The following PPP4R2 variants were observed in gnomAD, a reference collection of about 807,000 sequenced individuals.
PPP4R2 encodes protein phosphatase 4 regulatory subunit 2.
PPP4R2 carries 13 observed loss-of-function variants against 47.2 expected under a neutral mutation model. That is an observed-to-expected ratio of 0.28 (90% CI 0.18 to 0.44). The LOEUF is 0.44. Ranked by LOEUF, PPP4R2 falls within the 20% of genes least tolerant of loss-of-function variation. The probability of loss-of-function intolerance (pLI) is 1.00; values close to 1 mark genes in which losing one functional copy is unlikely to be tolerated. For missense variants in PPP4R2, 421 were observed against 491.2 expected (o/e 0.86, Z 1.35); for synonymous variants, 151 against 163.3 (o/e 0.92, Z 0.57).
chr3:73,033,184 C>T (rs1702202216), intron 2 of PPP4R2, among the ~76,000 whole-genome samples: 3 of 152,240 alleles, frequency 2.0e-5, no homozygotes, highest in Admixed American at 6.5e-5. Context: ...CTTTTAGTGT[C>T]TGAAAATGTG....
intron 3 of PPP4R2, among the ~76,000 whole-genome samples, chr3:73,052,819 A>T (rs1480260240): frequency 1.3e-5 from 2 of 152,220 alleles, no homozygotes; most frequent in Non-Finnish European, 2.9e-5. Flanking sequence ...ATTTATGAGG[A>T]GGTCTGGAAA....
At chr3:73,057,187 A>G (rs1236076743) in intron 3 of PPP4R2, among the ~76,000 whole-genome samples, 1 of 151,900 alleles carries the variant, frequency 6.6e-6, no homozygotes, top group Non-Finnish European at 1.5e-5. Flanking sequence ...CAATTGAGAA[A>G]CTAATACTGT....
chr3:73,037,849 A>T (rs1057256975), intron 2 of PPP4R2, among the ~76,000 whole-genome samples: 3 of 151,940 alleles, frequency 2.0e-5, no homozygotes, highest in Non-Finnish European at 4.4e-5. Flanking sequence ...ATGATGTTTT[A>T]TTTTCTATTT....
rs769062955 is a variant in PPP4R2 at position 73,065,027 on chromosome 3, A to G, written c.814A>G (p.Met272Val). Residue 272 changes from methionine (M) to valine (V), a missense_variant, in exon 8 of 9, where the codon ATG becomes GTG. Met to Val is a conservative substitution (Grantham distance 21). Coordinates refer to ENST00000356692, the MANE Select transcript of PPP4R2 (RefSeq NM_174907.4). ...GACTTCCAGCGAAATTTCTTCAGTT[A>G]TGGTAGGAGAAACAGAAGCATCATC... ...QTTSSEISSV[M>V]VGETEASSSS... 1.2e-5 allele frequency: 19 copies of G among 1,613,844 alleles called. No homozygotes were observed. Among genetic ancestry groups the G allele is most frequent in the African/African-American group, 2.7e-5 (2 of 74,904 alleles).
At chr3:73,015,886 CT>C (rs1430272957) in intron 2 of PPP4R2, 1 of 355,922 alleles carries the variant, frequency 2.8e-6, no homozygotes, top group Admixed American at 3.0e-5. Flanking sequence ...GATCTACCTG[CT>C]TTGGCCTCCC....
intron 2 of PPP4R2, among the ~76,000 whole-genome samples, chr3:73,004,564 G>A (rs967733526): frequency 6.6e-6 from 1 of 151,780 alleles, no homozygotes; most frequent in Non-Finnish European, 1.5e-5. Flanking sequence ...CATCCTTCCC[G>A]GTAGCTGGGA....
At chr3:73,009,750 C>T (rs76220905) in intron 2 of PPP4R2, among the ~76,000 whole-genome samples, 7,259 of 152,228 alleles carry the variant, frequency 0.048, 577 homozygotes, top group African/African-American at 0.17. Flanking sequence ...AAAACTGAAT[C>T]GCTGACTAAA....
intron 2 of PPP4R2, among the ~76,000 whole-genome samples, chr3:73,010,342 C>T (rs1014261365): frequency 2.2e-4 from 33 of 152,006 alleles, no homozygotes; most frequent in African/African-American, 8.0e-4. Context: ...CCTGCCTCAG[C>T]CCCCGCCCGC....
At chr3:72,998,939 A>G (rs1178194533) in intron 2 of PPP4R2, among the ~76,000 whole-genome samples, 1 of 152,164 alleles carries the variant, frequency 6.6e-6, no homozygotes, top group Non-Finnish European at 1.5e-5. Context: ...CTATGGTTTC[A>G]ATGTTAATAA....
At chr3:73,015,915 G>C (rs562789943) in intron 2 of PPP4R2, 4 of 308,186 alleles carry the variant, frequency 1.3e-5, no homozygotes, top group Non-Finnish European at 2.7e-5. Flanking sequence ...TGGGATTACA[G>C]ACGTGAACTA....
chr3:73,053,219 C>CT (rs1702656229), intron 3 of PPP4R2, among the ~76,000 whole-genome samples: 1 of 152,120 alleles, frequency 6.6e-6, no homozygotes, highest in Admixed American at 6.5e-5. Context: ...TGGCAGATTT[C>CT]TGTCTCTCTC....
At chr3:73,016,631 G>A (rs1701837532) in intron 2 of PPP4R2, among the ~76,000 whole-genome samples, 1 of 151,782 alleles carries the variant, frequency 6.6e-6, no homozygotes, top group Non-Finnish European at 1.5e-5. Flanking sequence ...TATTTGAGAC[G>A]GTAAAGTATA....
At chr3:73,035,493 C>T (rs1003978027) in intron 2 of PPP4R2, among the ~76,000 whole-genome samples, 1 of 152,254 alleles carries the variant, frequency 6.6e-6, no homozygotes, top group Non-Finnish European at 1.5e-5. Flanking sequence ...ATTGGTACAG[C>T]CACTATGGGA....
intron 2 of PPP4R2, among the ~76,000 whole-genome samples, chr3:73,006,190 A>ATTTT (rs71624000): frequency 2.4e-5 from 3 of 124,174 alleles, no homozygotes; most frequent in Admixed American, 8.6e-5. Context: ...ATATGCCACA[A>ATTTT]TTTTTTTTTT....
At chr3:73,030,020 C>T (rs1446248413) in intron 2 of PPP4R2, among the ~76,000 whole-genome samples, 1 of 152,106 alleles carries the variant, frequency 6.6e-6, no homozygotes, top group Non-Finnish European at 1.5e-5. Context: ...GGGAGGGAGA[C>T]AGCTGTTTTA....
At chr3:73,032,398 C>T (rs1002801524) in intron 2 of PPP4R2, among the ~76,000 whole-genome samples, 1 of 52,634 alleles carries the variant, frequency 1.9e-5, no homozygotes, top group African/African-American at 1.2e-4. Flanking sequence ...AAGCGATTCT[C>T]CTGCCTCAGC....
At chr3:73,014,298 T>G (rs1377700237) in intron 2 of PPP4R2, among the ~76,000 whole-genome samples, 1 of 114,182 alleles carries the variant, frequency 8.8e-6, no homozygotes, top group African/African-American at 3.0e-5. Context: ...ATTTTTATAT[T>G]TATTTTTGAG....
intron 2 of PPP4R2, among the ~76,000 whole-genome samples, chr3:73,000,864 A>G (rs919096501): frequency 8.5e-5 from 13 of 152,186 alleles, no homozygotes; most frequent in Non-Finnish European, 1.5e-5. Context: ...TCAATCATGA[A>G]TTTAAACACT....
intron 2 of PPP4R2, among the ~76,000 whole-genome samples, chr3:73,016,788 A>AACTGGCTTT: frequency 8.9e-6 from 1 of 112,236 alleles, no homozygotes; most frequent in South Asian, 3.1e-4. Context: ...CCATTCTGTT[A>AACTGGCTTT]ACTGGCTTTA....
Sources: gnomAD v4.1 joint callset for allele counts (sites outside exome capture counted in the v4.1 genomes callset) on GRCh38, gnomAD v4.1.1 for gene constraint, MANE v1.5 for transcripts, NCBI Gene and HGNC (gene_info 2026-07-23, HGNC 2026-07-21) for gene names.